Variants in MICALL2 observed in about 807,000 individuals in gnomAD.
MICALL2 encodes the protein MICAL-like protein 2.
A neutral mutation model predicts 91.1 loss-of-function variants in MICALL2; 111 were observed. The observed-to-expected ratio is 1.22, with a 90% CI of 1.04 to 1.43. The LOEUF is 1.43. Among genes scored for constraint, MICALL2 ranks in the 40% most tolerant of loss-of-function variants. The pLI is 0.00. For missense variants in MICALL2, 1,556 were observed against 1,236.0 expected (o/e 1.26, Z -3.88); for synonymous variants, 694 against 525.3 (o/e 1.32, Z -4.39).
At chr7:1,447,417 G>C (rs1780648385) in intron 4 of MICALL2, among the ~76,000 whole-genome samples, 158 bp downstream of exon 4, 2 of 152,174 alleles carry the variant, frequency 1.3e-5, no homozygotes, top group Non-Finnish European at 2.9e-5. Flanking sequence ...GGAGAGCCCG[G>C]TCCTGGCGGC....
In MICALL2 at chr7:1,434,582, G is replaced by A. The variant is rs374801423; in HGVS notation, c.*14C>T. On this transcript the variant is annotated 3_prime_UTR_variant, in exon 17 of 17. Transcript: ENST00000297508. ...GATGCCAGGTCCGGGCCGAGCCCAC[G>A]GCCCTACTGGCTACTACTGGGAGGG... is the stretch of plus-strand genomic sequence containing the variant. 282 of 1,607,350 alleles carry A rather than the reference G, an allele frequency of 1.8e-4. No individual in the cohort carries two copies. Among genetic ancestry groups the A allele is most frequent in the Non-Finnish European group, 2.1e-4 (248 of 1,174,498 alleles).
intron 6 of MICALL2, 105 bp downstream of exon 6, chr7:1,444,547 A>C (rs1427987420): frequency 1.7e-6 from 2 of 1,154,740 alleles, no homozygotes; most frequent in Non-Finnish European, 2.4e-6. Context: ...CCCCAAGGCC[A>C]CACAGCCAGG....
At chr7:1,439,280 TAC>T (rs921087335) in intron 9 of MICALL2, 2 of 437,714 alleles carry the variant, frequency 4.6e-6, no homozygotes, top group African/African-American at 4.0e-5. Context: ...GTGCTAGGAA[TAC>T]ACACAGAGAT....
Position 1,444,846 on chromosome 7 carries a change from C to A in MICALL2, c.1224G>T (p.Pro408=). 1 of 1,606,240 alleles carries A rather than the reference C, an allele frequency of 6.2e-7. No homozygotes were observed. Among genetic ancestry groups the A allele is most frequent in the South Asian group, 1.1e-5 (1 of 90,750 alleles). ...GGGCCTGCTGGGTCCTGGAGGCGGACGGGGTCCAGGCTGGGGGGTCCACCG... is the reference window on the plus strand; with the variant it reads ...GGGCCTGCTGGGTCCTGGAGGCGGAAGGGGTCCAGGCTGGGGGGTCCACCG... ...AATVDPPAWT[P]SASRTQQARN... Residue 408 remains proline, a synonymous_variant, in exon 6 of 17, where the codon CCG becomes CCT. Transcript: ENST00000297508.
At chr7:1,440,192 C>T (rs912816916) in intron 8 of MICALL2, 107 bp from the exon 9 acceptor site, 7 of 1,405,016 alleles carry the variant, frequency 5.0e-6, no homozygotes, top group African/African-American at 4.4e-5. Flanking sequence ...AGCAGGTGGC[C>T]TTCTGAGCAA....
intron 2 of MICALL2, among the ~76,000 whole-genome samples, chr7:1,449,918 A>G (rs1780758916): frequency 6.7e-6 from 1 of 150,274 alleles, no homozygotes; most frequent in African/African-American, 2.5e-5. Flanking sequence ...CCACCCCCAG[A>G]CCCTTGTTCT....
chr7:1,438,462 C>A, intron 10 of MICALL2, 109 bp from the exon 11 acceptor site: 1 of 1,498,350 alleles, frequency 6.7e-7, no homozygotes, highest in Non-Finnish European at 8.9e-7. Flanking sequence ...TGGCCCCAGC[C>A]CTGCCTCCCT....
intron 7 of MICALL2, chr7:1,441,929 G>C: frequency 1.8e-6 from 1 of 543,622 alleles, no homozygotes; most frequent in Non-Finnish European, 3.3e-6. Context: ...GCAGGGCTGG[G>C]CTGCAGGCAC....
In MICALL2 at chr7:1,438,094, C is replaced by G. The variant is rs368342567; in HGVS notation, c.2311+3G>C. 1.4e-5 allele frequency: 22 copies of G among 1,570,104 alleles called. No individual in the cohort carries two copies. The highest frequency in any genetic ancestry group is 1.9e-5 in the Admixed American group (1 of 53,400). On this transcript the variant is annotated splice_donor_region_variant and intron_variant, in intron 12 of 16. Transcript: ENST00000297508. ...TGGCCCAGGGCCAGGCCGAGGCGCTCACCTCCCTCGGCCGCCCGCAGTCGC... is the reference window on the plus strand; with the variant it reads ...TGGCCCAGGGCCAGGCCGAGGCGCTGACCTCCCTCGGCCGCCCGCAGTCGC...
rs763413286 is a variant in MICALL2 at position 1,459,437 on chromosome 7, G to C, written c.-111C>G. The C allele has an allele frequency of 4.1e-4, 431 of 1,057,620 alleles. 2 individuals are homozygous for C. The highest frequency in any genetic ancestry group is 5.6e-4 in the Admixed American group (13 of 23,306). The allele number at this position is 1,057,620 out of a possible 1,614,324, so 65.5% of individuals were successfully genotyped here. A position where few individuals can be genotyped will look rare whatever the true frequency, so the allele number is the denominator to read the frequency against. On this transcript the variant is annotated 5_prime_UTR_variant, in exon 1 of 17. Transcript: ENST00000297508. ...CGCTGGGACCGCTACGGAACCGCCA[G>C]ACCCACGGCGCCCAGCCCCAGCTGA...
intron 1 of MICALL2, among the ~76,000 whole-genome samples, chr7:1,457,220 C>T (rs943023297): frequency 6.6e-6 from 1 of 152,212 alleles, no homozygotes; most frequent in Non-Finnish European, 1.5e-5. Flanking sequence ...AGGCCCTTAT[C>T]TGCAGAACTC....
intron 6 of MICALL2, among the ~76,000 whole-genome samples, chr7:1,443,358 G>A (rs1177766356): frequency 6.6e-6 from 1 of 152,046 alleles, no homozygotes; most frequent in Non-Finnish European, 1.5e-5. Context: ...GCTGACCACT[G>A]CGGGGGCAGG....
In MICALL2 at chr7:1,438,187, G is replaced by T; in HGVS notation, c.2221C>A (p.Gln741Lys). ...HPDYLSPEEIQRQLQDIERRL... is the reference protein window; with the variant it reads ...HPDYLSPEEIKRQLQDIERRL... The stretch of plus-strand genomic sequence containing the variant: ...CTCTCGATGTCCTGCAGCTGCCTCT[G>T]TATCTCCTCCGGGGAGAGGTAGTCG... The change falls in exon 12 of 17, where the codon CAG becomes AAG. Residue 741 changes from glutamine (Q) to lysine (K), a missense_variant. By Grantham distance (53) the Gln-to-Lys change is moderately conservative. Transcript: ENST00000297508. The T allele has an allele frequency of 6.3e-7, 1 of 1,576,706 alleles. No homozygotes were observed. Among genetic ancestry groups the T allele is most frequent in the Non-Finnish European group, 8.6e-7 (1 of 1,161,052 alleles).
rs765377633 is a variant in MICALL2 at position 1,442,476 on chromosome 7, G to A, written c.1427C>T (p.Pro476Leu). Residue 476 changes from proline to leucine, a missense_variant, in exon 7 of 17, where the codon CCA (proline) becomes CTA (leucine). Physicochemically the swap from Pro to Leu is moderately conservative, Grantham distance 98. Transcript: ENST00000297508. ...AGAPAPGRPS[P>L]ATAAVPSSQP... is the part of the protein sequence containing the mutation. ...AGAACTGGGAACAGCGGCAGTGGCT[G>A]GGGAGGGCCTATAAGTAAAAGCGCA... 28 of 1,530,256 alleles carry A rather than the reference G, an allele frequency of 1.8e-5. No individual in the cohort carries two copies. The highest frequency in any genetic ancestry group is 4.2e-5 in the African/African-American group (3 of 72,280). The allele number at this position is 1,530,256 out of a possible 1,614,324, so 94.8% of individuals were successfully genotyped here. A position where few individuals can be genotyped will look rare whatever the true frequency, so the allele number is the denominator to read the frequency against.
intron 9 of MICALL2, chr7:1,439,455 G>A (rs539625958): frequency 8.9e-4 from 156 of 176,112 alleles, no homozygotes; most frequent in South Asian, 1.3e-3. Context: ...CACATGCATC[G>A]CACATGAACA....
At chr7:1,438,776 G>C (rs1012374768) in intron 10 of MICALL2, 64 bp downstream of exon 10, 1 of 1,535,354 alleles carries the variant, frequency 6.5e-7, no homozygotes. Flanking sequence ...AGCAGGCATT[G>C]CCTCCTCAGA....
At position 1,444,807 on chromosome 7, in the gene MICALL2, G is replaced by C. The variant is rs1780487389; in HGVS notation, c.1263C>G (p.Phe421Leu). 1 of 1,611,018 alleles carries C rather than the reference G, an allele frequency of 6.2e-7. No individual in the cohort carries two copies. Among genetic ancestry groups the C allele is most frequent in the Admixed American group, 1.7e-5 (1 of 59,908 alleles). Residue 421 changes from phenylalanine (F) to leucine (L), a missense_variant, in exon 6 of 17, where the codon TTC (phenylalanine) becomes TTG (leucine). Phe to Leu is a conservative substitution (Grantham distance 22, BLOSUM62 0). Coordinates refer to ENST00000297508, the MANE Select transcript of MICALL2 (RefSeq NM_182924.4). ...SRTQQARNKF[F>L]QTSAVPPGTS... is the part of the protein sequence containing the mutation. ...TGCCGGGGGGCACTGCTGATGTTTGGAAAAACTTATTCCGGGCCTGCTGGG... is the reference window on the plus strand; with the variant it reads ...TGCCGGGGGGCACTGCTGATGTTTGCAAAAACTTATTCCGGGCCTGCTGGG...
intron 7 of MICALL2, chr7:1,440,937 G>A (rs542346557): frequency 3.0e-5 from 15 of 501,274 alleles, no homozygotes; most frequent in Admixed American, 9.8e-5. Context: ...CCCTTCTGCC[G>A]AATGGGTGGG....
In MICALL2 at chr7:1,452,817, G is replaced by A. The variant is rs760669304; in HGVS notation, c.144-2529C>T. Among the ~76,000 whole-genome samples, 4 of 152,186 alleles carry A rather than the reference G, an allele frequency of 2.6e-5. No homozygotes were observed. The highest frequency in any genetic ancestry group is 2.1e-4 in the South Asian group (1 of 4,816). On this transcript the variant is annotated intron_variant, in intron 1 of 16. Coordinates refer to ENST00000297508, the MANE Select transcript of MICALL2 (RefSeq NM_182924.4). This position sits in a 1 kb window ranked among gnomAD's most constrained non-coding sequence, Gnocchi z 6.2. ...TCAGGATGAGGTTCAAGCTGCATTC[G>A]GGGCGTTTGAGGCCTATTCAACTGG...
Sources: gnomAD v4.1 joint callset for allele counts (sites outside exome capture counted in the v4.1 genomes callset) on GRCh38, gnomAD v4.1.1 for gene constraint, Gnocchi (gnomAD v3.1) non-coding constraint, MANE v1.5 for transcripts, NCBI Gene and HGNC (gene_info 2026-07-23, HGNC 2026-07-21) for gene names.